Variants in NPEPL1 observed in about 807,000 individuals in gnomAD.
NPEPL1 encodes aminopeptidase like 1.
A neutral mutation model predicts 52.4 loss-of-function variants in NPEPL1; 45 were observed. The observed-to-expected ratio is 0.86, with a 90% confidence interval of 0.68 to 1.10. NPEPL1 has a LOEUF of 1.10. Ranked by LOEUF, NPEPL1 falls within the 50% of genes least tolerant of loss-of-function variation. NPEPL1 has a pLI of 0.00. For missense variants in NPEPL1, 696 were observed against 710.9 expected (o/e 0.98, Z 0.24); for synonymous variants, 360 against 314.7 (o/e 1.14, Z -1.52).
chr20:58,693,224 C>T (rs1034229141), intron 1 of NPEPL1, 174 bp downstream of exon 1: 4 of 328,364 alleles, frequency 1.2e-5, no homozygotes, highest in African/African-American at 8.9e-5. Flanking sequence ...CCGCGGAGGC[C>T]CAGCCCCAGG....
intron 6 of NPEPL1, among the ~76,000 whole-genome samples, chr20:58,706,328 T>C (rs546171738): frequency 6.6e-6 from 1 of 152,196 alleles, no homozygotes; most frequent in African/African-American, 2.4e-5. Flanking sequence ...GCTGGTGGTG[T>C]CAGTGGGGGT....
At chr20:58,705,815 C>T (rs992595813) in intron 6 of NPEPL1, among the ~76,000 whole-genome samples, 15 of 152,170 alleles carry the variant, frequency 9.9e-5, no homozygotes, top group African/African-American at 3.6e-4. Flanking sequence ...CCATTTTGCA[C>T]ATGGTTTGAT....
At chr20:58,714,241 G>C in intron 10 of NPEPL1, 148 bp downstream of exon 10, 2 of 812,764 alleles carry the variant, frequency 2.5e-6, no homozygotes, top group Non-Finnish European at 3.6e-6. Context: ...GCAGGCGTCA[G>C]GGCACAGGAG....
chr20:58,707,926 T>G (rs1320906903), intron 7 of NPEPL1, among the ~76,000 whole-genome samples: 6 of 152,024 alleles, frequency 3.9e-5, no homozygotes, highest in Non-Finnish European at 7.4e-5. Flanking sequence ...AAAAAAAAAT[T>G]TAAAAACTAG....
Position 58,713,645 on chromosome 20 carries a change from GAAGTTTTCATAACT to G in NPEPL1, c.1125+103_1125+116del. 3 of 1,416,272 alleles carry G rather than the reference GAAGTTTTCATAACT, an allele frequency of 2.1e-6. No homozygotes were observed. The highest frequency in any genetic ancestry group is 2.8e-6 in the Non-Finnish European group (3 of 1,076,192). 87.7% of individuals were successfully genotyped at this position (1,416,272 alleles called of 1,614,324 possible). ...GGCAGCGCGTGGGGGCTGCCGTCAG[GAAGTTTTCATAACT>G]GGGCACGAGGAGGCAGGAGGAGCTG... On this transcript the variant is annotated intron_variant, in intron 9 of 11. Transcript: ENST00000356091. The surrounding 1 kb of genome is among the most constrained non-coding windows in gnomAD (Gnocchi z 4.6).
At chr20:58,693,544 G>A (rs886302469) in intron 1 of NPEPL1, 193 bp from the exon 2 acceptor site, 1 of 517,540 alleles carries the variant, frequency 1.9e-6, no homozygotes, top group Non-Finnish European at 3.4e-6. Flanking sequence ...AGGGGGATGC[G>A]AGCCAGCCTA....
intron 7 of NPEPL1, among the ~76,000 whole-genome samples, chr20:58,707,816 G>A (rs1290719656): frequency 1.3e-5 from 2 of 152,358 alleles, no homozygotes; most frequent in East Asian, 1.9e-4. Flanking sequence ...GCCAGCTCAT[G>A]CTGGTAATCC....
intron 6 of NPEPL1, among the ~76,000 whole-genome samples, chr20:58,706,443 GCC>G (rs773401821): frequency 4.6e-5 from 7 of 152,210 alleles, no homozygotes; most frequent in Non-Finnish European, 7.3e-5. Context: ...AGGTGGTAAA[GCC>G]CTCTAAGTGC....
At chr20:58,712,255 G>A in intron 7 of NPEPL1, among the ~76,000 whole-genome samples, 1 of 152,186 alleles carries the variant, frequency 6.6e-6, no homozygotes, top group East Asian at 1.9e-4. Flanking sequence ...ACTGCGGCGG[G>A]TGGCCTCTGC....
chr20:58,715,368 A>T lies in NPEPL1; in HGVS notation c.*42A>T. 1 of 1,525,834 alleles carries T rather than the reference A, an allele frequency of 6.6e-7. No homozygotes were observed. Among genetic ancestry groups the T allele is most frequent in the South Asian group, 1.3e-5 (1 of 79,604 alleles). The allele number at this position is 1,525,834 out of a possible 1,614,324, so 94.5% of individuals were successfully genotyped here. ...CTGACAAACGGGGATCTTTTACCTC[A>T]CTTTGCACTGATTAATTTTAAGCAA... On this transcript the variant is annotated 3_prime_UTR_variant, in exon 12 of 12. Coordinates refer to ENST00000356091, the MANE Select transcript of NPEPL1 (RefSeq NM_024663.4).
upstream of NPEPL1, chr20:58,691,775 A>C (rs1228296176): frequency 2.6e-6 from 4 of 1,535,452 alleles, no homozygotes; most frequent in Middle Eastern, 1.7e-4. Flanking sequence ...ATGGAACTAC[A>C]TGGAGGTAAC....
upstream of NPEPL1, among the ~76,000 whole-genome samples, chr20:58,692,423 C>G (rs1036652435): frequency 1.3e-5 from 2 of 152,198 alleles, no homozygotes; most frequent in African/African-American, 4.8e-5. This position sits in a 1 kb window ranked among gnomAD's most constrained non-coding sequence, Gnocchi z 5.7. Flanking sequence ...TCAAAAGCAG[C>G]TGCTAAGGGA....
Position 58,713,281 on chromosome 20 carries a change from T to C in NPEPL1, c.1002-139T>C. On this transcript the variant is annotated intron_variant, in intron 8 of 11. Transcript: ENST00000356091. This position sits in a 1 kb window ranked among gnomAD's most constrained non-coding sequence, Gnocchi z 4.6. ...GTAGGGACTGGGGGCATCCCGGCCTTCCCATTCAGGGAACGTGTTGGGGTT... is the reference window on the plus strand; with the variant it reads ...GTAGGGACTGGGGGCATCCCGGCCTCCCCATTCAGGGAACGTGTTGGGGTT... 8.6e-7 allele frequency: 1 copy of C among 1,162,508 alleles called. No individual in the cohort carries two copies. Among genetic ancestry groups the C allele is most frequent in the Non-Finnish European group, 1.2e-6 (1 of 839,286 alleles). 72.0% of individuals were successfully genotyped at this position (1,162,508 alleles called of 1,614,324 possible). A position where few individuals can be genotyped will look rare whatever the true frequency, so the allele number is the denominator to read the frequency against.
Position 58,714,096 on chromosome 20 carries a change from AG to A in NPEPL1, c.1302+5del. 6.5e-7 allele frequency: 1 copy of A among 1,542,352 alleles called. No homozygotes were observed. The highest frequency in any genetic ancestry group is 8.7e-7 in the Non-Finnish European group (1 of 1,145,446). ...CGGACATGAAGAACTCAGTGGCGGT[AG>A]GTTTGGAGCCTCGAACCTGGAGCCT... On this transcript the variant is annotated splice_donor_region_variant and intron_variant, in intron 10 of 11. Coordinates refer to ENST00000356091, the MANE Select transcript of NPEPL1 (RefSeq NM_024663.4).
At chr20:58,700,419 A>G (rs1193731158) in intron 5 of NPEPL1, among the ~76,000 whole-genome samples, 1 of 152,168 alleles carries the variant, frequency 6.6e-6, no homozygotes, top group African/African-American at 2.4e-5. Context: ...AGGAGGTGGC[A>G]TTTGCTGTGG....
At chr20:58,694,024 A>G in intron 2 of NPEPL1, 102 bp downstream of exon 2, 1 of 1,169,176 alleles carries the variant, frequency 8.6e-7, no homozygotes, top group Non-Finnish European at 1.2e-6. Context: ...GCGCACGCCC[A>G]GAGGGCTGTG....
chr20:58,689,229 G>A (rs2123060802), upstream of NPEPL1: 1 of 152,188 alleles, frequency 6.6e-6, no homozygotes, highest in East Asian at 1.9e-4. Context: ...TATATTTTAT[G>A]CGCACTTTAT....
intron 6 of NPEPL1, among the ~76,000 whole-genome samples, chr20:58,703,161 G>C (rs763721605): frequency 1.2e-4 from 19 of 152,160 alleles, no homozygotes; most frequent in Admixed American, 2.0e-4. Flanking sequence ...AAGGAATGTG[G>C]GTAGTAGATT....
chr20:58,707,259 C>G (rs2084755424), intron 7 of NPEPL1, 59 bp downstream of exon 7: 1 of 1,426,586 alleles, frequency 7.0e-7, no homozygotes, highest in Non-Finnish European at 9.5e-7. Flanking sequence ...GTGGGTGCTC[C>G]CCTCTCCCCT....
Sources: gnomAD v4.1 joint callset for allele counts (sites outside exome capture counted in the v4.1 genomes callset) on GRCh38, gnomAD v4.1.1 for gene constraint, Gnocchi (gnomAD v3.1) non-coding constraint, MANE v1.5 for transcripts, NCBI Gene and HGNC (gene_info 2026-07-23, HGNC 2026-07-21) for gene names.